Variants in MIB1 observed in about 807,000 individuals in gnomAD.
MIB1 encodes MIB E3 ubiquitin protein ligase 1, also known as E3 ubiquitin-protein ligase MIB1.
In MIB1, 278 loss-of-function variants were observed where a neutral mutation model predicts 124.5. The observed-to-expected ratio is 2.23, with a 90% CI of 2.02 to 2.47. The LOEUF (loss-of-function observed/expected upper bound fraction) is 2.47, where lower values mean the gene tolerates loss of function less well. Among genes scored for constraint, MIB1 ranks in the 30% most tolerant of loss-of-function variants. The pLI, the probability that MIB1 is intolerant of heterozygous loss-of-function variation, is 0.00. For synonymous variants in MIB1, 446 were observed against 429.4 expected (o/e 1.04, Z -0.48); for missense variants, 957 against 1,254.4 (o/e 0.76, Z 3.58).
chr18:21,742,578 T>C (rs1210881393), intron 1 of MIB1, among the ~76,000 whole-genome samples: 3 of 152,194 alleles, frequency 2.0e-5, no homozygotes, highest in Admixed American at 2.0e-4. Flanking sequence ...CCTTGATTAG[T>C]GAATCTTGAT....
At chr18:21,841,018 G>GT (rs2146502904) in intron 13 of MIB1, among the ~76,000 whole-genome samples, 1 of 152,198 alleles carries the variant, frequency 6.6e-6, no homozygotes, top group South Asian at 2.1e-4. Context: ...GAAAGCCACA[G>GT]TAGGGAGAAC....
At chr18:21,757,451 CAAAAAAAAAAAAAAAA>C (rs1202189616) in intron 1 of MIB1, among the ~76,000 whole-genome samples, 64 of 13,286 alleles carry the variant, frequency 4.8e-3, no homozygotes, top group Non-Finnish European at 6.3e-3. Flanking sequence ...GACTCTGTCT[CAAAAAAAAAAAAAAAA>C]AAAAAAAAAA....
upstream of MIB1, among the ~76,000 whole-genome samples, chr18:21,738,912 C>A (rs545380396): frequency 3.1e-4 from 41 of 133,660 alleles, no homozygotes; most frequent in Non-Finnish European, 6.3e-4. Context: ...CAAAAGCTAG[C>A]AGAAGACAAG....
intron 10 of MIB1, among the ~76,000 whole-genome samples, chr18:21,814,831 C>G (rs2041810163): frequency 6.6e-6 from 1 of 150,884 alleles, no homozygotes; most frequent in Non-Finnish European, 1.5e-5. Flanking sequence ...GCCTTGGCCT[C>G]CCAAAGTGCT....
intron 1 of MIB1, among the ~76,000 whole-genome samples, chr18:21,717,951 A>G (rs2040697042): frequency 6.6e-6 from 1 of 152,248 alleles, no homozygotes; most frequent in Admixed American, 6.5e-5. Context: ...ACACATGTTT[A>G]TAGCAGCACA....
intron 9 of MIB1, among the ~76,000 whole-genome samples, chr18:21,802,715 A>G (rs2041663209): frequency 6.6e-6 from 1 of 152,206 alleles, no homozygotes; most frequent in South Asian, 2.1e-4. Context: ...AGAGGGGACA[A>G]ATCTCCAATC....
intron 18 of MIB1, among the ~76,000 whole-genome samples, chr18:21,856,836 C>A (rs2042233417): frequency 1.3e-5 from 2 of 152,146 alleles, no homozygotes; most frequent in Admixed American, 1.3e-4. Flanking sequence ...GTCTTAAAAT[C>A]TTGAAATATT....
At chr18:21,733,506 C>T (rs1002320075) in intron 1 of MIB1, among the ~76,000 whole-genome samples, 1 of 152,034 alleles carries the variant, frequency 6.6e-6, no homozygotes, top group Admixed American at 6.6e-5. Context: ...AGCCATTCTC[C>T]TACCTCAGCC....
intron 13 of MIB1, 143 bp downstream of exon 13, chr18:21,838,640 A>G (rs2042055569): frequency 4.9e-6 from 3 of 612,026 alleles, no homozygotes; most frequent in Non-Finnish European, 8.2e-6. Context: ...TTCAGATATA[A>G]TGCATATTCT....
At position 21,799,979 on chromosome 18, in the gene MIB1, G is replaced by C; in HGVS notation, c.1371+5G>C. The C allele has an allele frequency of 6.2e-7, 1 of 1,607,186 alleles. No individual in the cohort carries two copies. Among genetic ancestry groups the C allele is most frequent in the Non-Finnish European group, 8.5e-7 (1 of 1,175,894 alleles). The stretch of plus-strand genomic sequence containing the variant: ...CTTAAAAGACCAGATGTGGATGTGA[G>C]CATTTTAAAAATTATTTTGAAGCAT... On this transcript the variant is annotated splice_donor_5th_base_variant and intron_variant, in intron 9 of 20. Coordinates refer to ENST00000261537, the MANE Select transcript of MIB1 (RefSeq NM_020774.4).
chr18:21,807,519 A>G (rs1018836929), intron 10 of MIB1, among the ~76,000 whole-genome samples: 2 of 152,336 alleles, frequency 1.3e-5, no homozygotes, highest in Non-Finnish European at 2.9e-5. Context: ...CCTATTAAAC[A>G]ACTATATAGT....
chr18:21,851,222 C>G (rs2042177139), intron 17 of MIB1, among the ~76,000 whole-genome samples: 1 of 152,142 alleles, frequency 6.6e-6, no homozygotes, highest in Non-Finnish European at 1.5e-5. Flanking sequence ...TCTTAAGCCC[C>G]TGTTCTTTTC....
chr18:21,795,337 A>ATATATAATATATAAATATATAT (rs1568205076), intron 7 of MIB1, among the ~76,000 whole-genome samples: 20 of 136,344 alleles, frequency 1.5e-4, no homozygotes, highest in African/African-American at 5.8e-4. Flanking sequence ...TAAATATATA[A>ATATATAATATATAAATATATAT]TATATATAAT....
intron 9 of MIB1, 90 bp from the exon 10 acceptor site, chr18:21,803,817 G>A (rs17665147): frequency 0.016 from 13,748 of 881,774 alleles, 233 homozygotes; most frequent in Middle Eastern, 0.046. Flanking sequence ...GAATCATACA[G>A]TATACTAGAC....
Position 21,815,530 on chromosome 18 carries a change from A to G in MIB1, c.1480-86A>G, listed in dbSNP as rs892033174. 3.3e-6 allele frequency: 4 copies of G among 1,196,772 alleles called. No individual in the cohort carries two copies. The African/African-American group carries it at 4.6e-5, about 14-fold the overall frequency. The allele number at this position is 1,196,772 out of a possible 1,614,324, so 74.1% of individuals were successfully genotyped here. On this transcript the variant is annotated intron_variant, in intron 10 of 20. Coordinates refer to ENST00000261537, the MANE Select transcript of MIB1 (RefSeq NM_020774.4). ...TCCTACATTGCCTTTTCTCAAATTA[A>G]TCTGCTTCTTGGTATATTATTATAG...
At chr18:21,834,582 A>T (rs2042010046) in intron 12 of MIB1, among the ~76,000 whole-genome samples, 1 of 152,224 alleles carries the variant, frequency 6.6e-6, no homozygotes, top group Admixed American at 6.5e-5. Flanking sequence ...GTGTGATGTG[A>T]TTAAATGACA....
At chr18:21,861,332 G>A (rs2042274700) in intron 20 of MIB1, among the ~76,000 whole-genome samples, 1 of 151,816 alleles carries the variant, frequency 6.6e-6, no homozygotes, top group Non-Finnish European at 1.5e-5. Flanking sequence ...GAAGCTCCTA[G>A]CATCTTGATT....
intron 12 of MIB1, among the ~76,000 whole-genome samples, chr18:21,823,271 C>CAG (rs1439933622): frequency 6.7e-6 from 1 of 149,562 alleles, no homozygotes; most frequent in African/African-American, 2.5e-5. Context: ...TGTGGCATCA[C>CAG]AGACTTTTAG....
upstream of MIB1, among the ~76,000 whole-genome samples, chr18:21,739,431 G>A (rs1002577371): frequency 6.6e-6 from 1 of 152,058 alleles, no homozygotes; most frequent in Non-Finnish European, 1.5e-5. Flanking sequence ...TCCCTCCTTC[G>A]TAAAACTCAT....
Sources: allele counts gnomAD v4.1 joint callset (sites outside exome capture counted in the v4.1 genomes callset), GRCh38; gene constraint gnomAD v4.1.1; transcripts MANE v1.5; gene names NCBI Gene and HGNC (gene_info 2026-07-23, HGNC 2026-07-21).